SEMA3E: variants seen among roughly 807,000 people sequenced by gnomAD.
SEMA3E encodes the protein semaphorin-3E.
SEMA3E carries 49 observed loss-of-function variants against 93.6 expected under a neutral mutation model. The ratio of observed to expected loss-of-function variants is 0.52; its 90% CI spans 0.42 to 0.66. The LOEUF (loss-of-function observed/expected upper bound fraction) is 0.66, where lower values mean the gene tolerates loss of function less well. SEMA3E is among the 30% of genes least tolerant of loss of function. The pLI is 0.00. For missense variants in SEMA3E, 906 were observed against 964.8 expected (o/e 0.94, Z 0.81); for synonymous variants, 363 against 330.7 (o/e 1.10, Z -1.06).
intron 16 of SEMA3E, among the ~76,000 whole-genome samples, chr7:83,380,791 G>A (rs1188206334): frequency 2.6e-5 from 4 of 152,062 alleles, no homozygotes; most frequent in South Asian, 4.1e-4. Flanking sequence ...AGTAGGCTCC[G>A]AGTAGATATT....
intron 1 of SEMA3E, among the ~76,000 whole-genome samples, chr7:83,566,876 T>C (rs373438306): frequency 1.3e-5 from 2 of 152,046 alleles, no homozygotes; most frequent in Non-Finnish European, 2.9e-5. Context: ...AAAGGACATA[T>C]AAATCAACCA....
At chr7:83,415,937 A>T (rs1788530502) in intron 5 of SEMA3E, among the ~76,000 whole-genome samples, 1 of 152,102 alleles carries the variant, frequency 6.6e-6, no homozygotes, top group South Asian at 2.1e-4. Flanking sequence ...GTCACAAAAT[A>T]CCCATTAATA....
intron 4 of SEMA3E, among the ~76,000 whole-genome samples, chr7:83,436,671 G>T (rs1406985503): frequency 6.6e-6 from 1 of 151,982 alleles, no homozygotes; most frequent in Admixed American, 6.6e-5. Context: ...AAATCCAAGG[G>T]TTTGCAAGCA....
intron 1 of SEMA3E, among the ~76,000 whole-genome samples, chr7:83,634,464 C>A (rs962611409): frequency 1.3e-5 from 2 of 151,958 alleles, no homozygotes; most frequent in Non-Finnish European, 2.9e-5. Flanking sequence ...CATTTTGGAG[C>A]AAGCAAAAAA....
chr7:83,565,019 C>T (rs537082999), intron 1 of SEMA3E, among the ~76,000 whole-genome samples: 5 of 152,180 alleles, frequency 3.3e-5, no homozygotes, highest in African/African-American at 7.2e-5. Flanking sequence ...GGGATATCAC[C>T]ACTGATCCCA....
chr7:83,544,312 A>G (rs1791600527), intron 1 of SEMA3E, among the ~76,000 whole-genome samples: 1 of 152,118 alleles, frequency 6.6e-6, no homozygotes, highest in South Asian at 2.1e-4. Context: ...ATTATATATT[A>G]TATCAAATAA....
intron 2 of SEMA3E, among the ~76,000 whole-genome samples, chr7:83,473,676 TC>T (rs1413860079): frequency 1.3e-5 from 2 of 152,242 alleles, no homozygotes; most frequent in Non-Finnish European, 2.9e-5. Context: ...GAAATATTCC[TC>T]TGGAGTTGAA....
intron 1 of SEMA3E, among the ~76,000 whole-genome samples, chr7:83,525,693 G>C (rs537385866): frequency 6.6e-6 from 1 of 151,000 alleles, no homozygotes; most frequent in African/African-American, 2.4e-5. Context: ...TTGTTTCATG[G>C]ATGCAATATT....
intron 1 of SEMA3E, among the ~76,000 whole-genome samples, chr7:83,526,350 T>C (rs760951330): frequency 3.3e-5 from 5 of 152,140 alleles, no homozygotes; most frequent in Non-Finnish European, 5.9e-5. Flanking sequence ...AGTACTTCAG[T>C]GCAAAGATAC....
intron 1 of SEMA3E, among the ~76,000 whole-genome samples, chr7:83,536,576 T>A (rs1046044537): frequency 2.0e-5 from 3 of 151,990 alleles, no homozygotes; most frequent in Non-Finnish European, 2.9e-5. Context: ...AACAGGCTGG[T>A]TGGACTTTTT....
intron 1 of SEMA3E, among the ~76,000 whole-genome samples, chr7:83,557,434 T>C (rs1791921061): frequency 6.6e-6 from 1 of 151,912 alleles, no homozygotes; most frequent in Admixed American, 6.6e-5. Context: ...TAATCAATGC[T>C]CTTATTATGG....
At chr7:83,566,360 T>A (rs1562835251) in intron 1 of SEMA3E, among the ~76,000 whole-genome samples, 1 of 152,128 alleles carries the variant, frequency 6.6e-6, no homozygotes, top group Admixed American at 6.6e-5. Flanking sequence ...CCCTTTCTCG[T>A]ATGCTGTTAT....
chr7:83,502,231 T>C (rs1016223189), intron 1 of SEMA3E, among the ~76,000 whole-genome samples: 6 of 152,170 alleles, frequency 3.9e-5, no homozygotes, highest in Non-Finnish European at 8.8e-5. Context: ...TTCTGTCTTC[T>C]ATGCTCCGTG....
chr7:83,534,676 A>G (rs915586924), intron 1 of SEMA3E, among the ~76,000 whole-genome samples: 4 of 152,284 alleles, frequency 2.6e-5, no homozygotes, highest in East Asian at 3.9e-4. Context: ...ATAAAGTTGT[A>G]TTGATCACAA....
At chr7:83,595,331 T>A (rs571240602) in intron 1 of SEMA3E, among the ~76,000 whole-genome samples, 3 of 152,222 alleles carry the variant, frequency 2.0e-5, no homozygotes, top group African/African-American at 7.2e-5. Flanking sequence ...CTTTTTACTT[T>A]ATTTTCAGAT....
chr7:83,574,915 C>A (rs1306912664), intron 1 of SEMA3E, among the ~76,000 whole-genome samples: 1 of 152,106 alleles, frequency 6.6e-6, no homozygotes, highest in Non-Finnish European at 1.5e-5. Flanking sequence ...ACTAAAGTGA[C>A]TGAGGTGTTT....
intron 4 of SEMA3E, among the ~76,000 whole-genome samples, chr7:83,453,025 T>A (rs1295835587): frequency 6.6e-6 from 1 of 152,154 alleles, no homozygotes; most frequent in Non-Finnish European, 1.5e-5. Context: ...TGCTAATTTA[T>A]ATCATATATA....
At chr7:83,415,390 C>A (rs1165413730) in intron 5 of SEMA3E, among the ~76,000 whole-genome samples, 1 of 152,024 alleles carries the variant, frequency 6.6e-6, no homozygotes, top group African/African-American at 2.4e-5. Flanking sequence ...TACAAAGACG[C>A]ATTGGAAGAG....
At chr7:83,492,702 C>A (rs1052835145) in intron 1 of SEMA3E, among the ~76,000 whole-genome samples, 1 of 149,360 alleles carries the variant, frequency 6.7e-6, no homozygotes, top group African/African-American at 2.4e-5. Flanking sequence ...TTTTAATGAT[C>A]TTTATGTTTA....
Sources: allele counts gnomAD v4.1 joint callset (sites outside exome capture counted in the v4.1 genomes callset), GRCh38; gene constraint gnomAD v4.1.1; transcripts MANE v1.5; gene names NCBI Gene and HGNC (gene_info 2026-07-23, HGNC 2026-07-21).